WDR64: variants seen among roughly 807,000 people sequenced by gnomAD.
The protein encoded by WDR64 is WD repeat domain 64.
Under a neutral mutation model 139.3 loss-of-function variants are expected in WDR64, and 112 were observed. The observed-to-expected ratio is 0.80, with a 90% CI of 0.69 to 0.94. The LOEUF (loss-of-function observed/expected upper bound fraction) is 0.94, where lower values mean the gene tolerates loss of function less well. Ranked by LOEUF, WDR64 falls within the 40% of genes least tolerant of loss-of-function variation. The pLI is 0.00. For missense variants in WDR64, 1,206 were observed against 1,293.1 expected (o/e 0.93, Z 1.03); for synonymous variants, 444 against 437.7 (o/e 1.01, Z -0.18).
At chr1:241,795,973 T>C (rs1415129952) in intron 26 of WDR64, among the ~76,000 whole-genome samples, 1 of 152,126 alleles carries the variant, frequency 6.6e-6, no homozygotes. Context: ...GTAGACGGAA[T>C]GCAGTGTCTC....
intron 10 of WDR64, among the ~76,000 whole-genome samples, chr1:241,736,816 G>A (rs2148233296): frequency 6.6e-6 from 1 of 152,228 alleles, no homozygotes; most frequent in South Asian, 2.1e-4. Context: ...ATGTCATCAT[G>A]GCCATTCAAG....
rs1377873436 is a variant in WDR64, at chr1:241,802,194, A to T, written c.*979A>T. 1 of 397,940 alleles carries T rather than the reference A, an allele frequency of 2.5e-6. No individual in the cohort carries two copies. The highest frequency in any genetic ancestry group is 3.6e-5 in the East Asian group (1 of 27,964). 24.7% of individuals were successfully genotyped at this position (397,940 alleles called of 1,614,324 possible). On this transcript the variant is annotated 3_prime_UTR_variant, in exon 28 of 28. Transcript: ENST00000437684. ...ACTAAACAAACTATGGTAGGGTAGGACAATGGAATCCTCAGCAATTAAAGG... is the reference window on the plus strand; with the variant it reads ...ACTAAACAAACTATGGTAGGGTAGGTCAATGGAATCCTCAGCAATTAAAGG...
At chr1:241,766,437 G>A (rs746968818) in intron 16 of WDR64, 86 bp downstream of exon 16, 48 of 1,463,528 alleles carry the variant, frequency 3.3e-5, no homozygotes, top group Middle Eastern at 2.4e-4. Flanking sequence ...AGGGCTGGGC[G>A]CGGTGGCTCA....
intron 14 of WDR64, among the ~76,000 whole-genome samples, chr1:241,755,176 C>T (rs867871464): frequency 1.7e-4 from 26 of 152,292 alleles, no homozygotes; most frequent in Middle Eastern, 6.8e-3. Flanking sequence ...AACTAGTTTA[C>T]ACTCCCACCA....
At chr1:241,673,949 A>G (rs1216001614) in intron 3 of WDR64, among the ~76,000 whole-genome samples, 3 of 152,198 alleles carry the variant, frequency 2.0e-5, no homozygotes, top group African/African-American at 7.2e-5. Context: ...TGAGAATTCA[A>G]AGAAAGGAGT....
Position 241,744,477 on chromosome 1 carries a change from G to A in WDR64, c.1555G>A (p.Asp519Asn), listed in dbSNP as rs201509864. 221 of 1,614,014 alleles carry A rather than the reference G, an allele frequency of 1.4e-4. No individual in the cohort carries two copies. The highest frequency in any genetic ancestry group is 1.0e-3 in the Admixed American group (60 of 59,992). The change falls in exon 13 of 28, where the codon GAT becomes AAT. Residue 519 changes from aspartate (D) to asparagine (N), a missense_variant. Coordinates refer to ENST00000437684, the MANE Select transcript of WDR64 (RefSeq NM_001367482.1). ...FNTEVTSAAV[D>N]ESGFLFATGA... ...TACTGAAGTGACTTCTGCAGCTGTC[G>A]ATGAAAGTGGATTTCTTTTTGCCAC...
At chr1:241,782,232 G>A (rs1293360799) in intron 22 of WDR64, among the ~76,000 whole-genome samples, 1 of 152,186 alleles carries the variant, frequency 6.6e-6, no homozygotes, top group African/African-American at 2.4e-5. Flanking sequence ...AGGTTGCAGT[G>A]AGCCGAGATC....
chr1:241,671,765 C>A (rs1425944196), intron 3 of WDR64, among the ~76,000 whole-genome samples: 3 of 152,158 alleles, frequency 2.0e-5, no homozygotes, highest in Non-Finnish European at 2.9e-5. Context: ...CTCCTTCTTC[C>A]CTCCATGGTG....
At chr1:241,788,583 G>C (rs1410378212) in intron 24 of WDR64, among the ~76,000 whole-genome samples, 1 of 152,126 alleles carries the variant, frequency 6.6e-6, no homozygotes, top group African/African-American at 2.4e-5. Flanking sequence ...AATCAGAGAG[G>C]GATATCAAAA....
chr1:241,655,386 C>T (rs115938037), intron 1 of WDR64, among the ~76,000 whole-genome samples: 1 of 152,112 alleles, frequency 6.6e-6, no homozygotes, highest in Admixed American at 6.5e-5. Flanking sequence ...GAGACTCTGT[C>T]CCCCCTCACC....
chr1:241,701,272 A>ACG (rs1558479519), intron 8 of WDR64, among the ~76,000 whole-genome samples: 2 of 149,108 alleles, frequency 1.3e-5, no homozygotes, highest in African/African-American at 2.6e-5. Context: ...ATGCGTGCAC[A>ACG]TGCGCGCACA....
Position 241,677,971 on chromosome 1 carries a change from A to C in WDR64, c.484-216A>C, listed in dbSNP as rs1004015355. Among the ~76,000 whole-genome samples, 3 of 152,252 alleles carry C rather than the reference A, an allele frequency of 2.0e-5. No homozygotes were observed. The East Asian group carries it at 5.8e-4, about 29-fold the overall frequency. ...TAACAGCACAGTCACCAGGTTTAAC[A>C]ATGAGCCACAGAGGTATAAGCCTTG... is the stretch of plus-strand genomic sequence containing the variant. On this transcript the variant is annotated intron_variant, in intron 4 of 27. Transcript: ENST00000437684.
At chr1:241,732,195 G>C (rs1469019042) in intron 10 of WDR64, among the ~76,000 whole-genome samples, 1 of 152,160 alleles carries the variant, frequency 6.6e-6, no homozygotes, top group African/African-American at 2.4e-5. Context: ...CAGACCCCTT[G>C]CTCTATCTAA....
intron 16 of WDR64, 131 bp from the exon 17 acceptor site, chr1:241,769,273 C>T: frequency 1.4e-6 from 1 of 698,266 alleles, no homozygotes; most frequent in Non-Finnish European, 2.4e-6. Flanking sequence ...TACTTCCTTG[C>T]ATTTTCTTTT....
At chr1:241,655,435 C>G (rs1372725391) in intron 1 of WDR64, among the ~76,000 whole-genome samples, 1 of 152,114 alleles carries the variant, frequency 6.6e-6, no homozygotes, top group Non-Finnish European at 1.5e-5. Flanking sequence ...AATCATTTCT[C>G]TATACTTCTG....
chr1:241,676,339 G>A (rs758980505), intron 4 of WDR64: 3 of 152,184 alleles, frequency 2.0e-5, no homozygotes, highest in Non-Finnish European at 2.9e-5. Flanking sequence ...CTCATGAAGT[G>A]CTTAGCATCA....
chr1:241,702,570 T>C (rs562031651), intron 8 of WDR64, among the ~76,000 whole-genome samples: 1 of 151,822 alleles, frequency 6.6e-6, no homozygotes, highest in African/African-American at 2.4e-5. Context: ...GAGATGAAAC[T>C]ATCATAGATT....
intron 23 of WDR64, 140 bp from the exon 24 acceptor site, chr1:241,787,709 A>G (rs1261749988): frequency 6.1e-6 from 4 of 657,252 alleles, no homozygotes; most frequent in Non-Finnish European, 1.0e-5. Context: ...GCTCCACAGT[A>G]TTTCATAGAA....
chr1:241,683,351 T>C, intron 6 of WDR64, 136 bp from the exon 7 acceptor site: 1 of 797,036 alleles, frequency 1.3e-6, no homozygotes, highest in Non-Finnish European at 1.9e-6. Flanking sequence ...ACTGGTTTTT[T>C]TCTCAAATTA....
Sources: gnomAD v4.1 joint callset for allele counts (sites outside exome capture counted in the v4.1 genomes callset) on GRCh38, gnomAD v4.1.1 for gene constraint, MANE v1.5 for transcripts, NCBI Gene and HGNC (gene_info 2026-07-23, HGNC 2026-07-21) for gene names.